The following CLIP4 variants were observed in gnomAD, a reference collection of about 807,000 sequenced individuals.
CLIP4 encodes the protein CAP-Gly domain-containing linker protein 4.
A neutral mutation model predicts 73.1 loss-of-function variants in CLIP4; 47 were observed. The ratio of observed to expected loss-of-function variants is 0.64; its 90% CI spans 0.51 to 0.82. CLIP4 has a LOEUF of 0.82. Ranked by LOEUF, CLIP4 falls within the 40% of genes least tolerant of loss-of-function variation. The pLI is 0.00. For synonymous variants in CLIP4, 306 were observed against 295.4 expected, an observed-to-expected ratio of 1.04 and a Z score of -0.37; for missense variants, 874 against 852.9, an observed-to-expected ratio of 1.02 and a Z score of -0.31.
intron 6 of CLIP4, among the ~76,000 whole-genome samples, chr2:29,136,538 A>C (rs1665375676): frequency 6.7e-6 from 1 of 149,328 alleles, no homozygotes. Context: ...TGTCTTGCAG[A>C]GGGGAGGTGG....
chr2:29,115,317 C>T (rs990087327), upstream of CLIP4: 1 of 152,032 alleles, frequency 6.6e-6, no homozygotes, highest in Non-Finnish European at 1.5e-5. This position sits in a 1 kb window ranked among gnomAD's most constrained non-coding sequence, Gnocchi z 5.1. Flanking sequence ...CGCTGTCAGC[C>T]GGGGTCGCGG....
intron 6 of CLIP4, among the ~76,000 whole-genome samples, chr2:29,138,754 G>T (rs1665552565): frequency 6.6e-6 from 1 of 151,956 alleles, no homozygotes; most frequent in South Asian, 2.1e-4. Context: ...TTATTATTTT[G>T]TGGCTGTTGT....
intron 6 of CLIP4, among the ~76,000 whole-genome samples, chr2:29,141,667 C>G (rs760298695): frequency 1.4e-4 from 21 of 152,126 alleles, no homozygotes; most frequent in Non-Finnish European, 2.5e-4. Flanking sequence ...CATGATAGAT[C>G]TCTCTCCAGC....
intron 1 of CLIP4, among the ~76,000 whole-genome samples, chr2:29,108,087 C>T (rs1331497711): frequency 6.6e-6 from 1 of 151,914 alleles, no homozygotes; most frequent in Non-Finnish European, 1.5e-5. Context: ...ACCTCTTTAT[C>T]CACAGGGGAT....
At chr2:29,142,030 G>A (rs1231784203) in intron 6 of CLIP4, among the ~76,000 whole-genome samples, 1 of 152,002 alleles carries the variant, frequency 6.6e-6, no homozygotes. Flanking sequence ...GTGAAGTTTT[G>A]TTCCTGTTGT....
chr2:29,122,920 A>C (rs1418795687), intron 2 of CLIP4, among the ~76,000 whole-genome samples: 1 of 150,978 alleles, frequency 6.6e-6, no homozygotes, highest in East Asian at 2.0e-4. Context: ...CTCCCTGTGT[A>C]GACATCATAT....
At chr2:29,098,126 C>G (rs1667929143) in intron 1 of CLIP4, among the ~76,000 whole-genome samples, 1 of 152,202 alleles carries the variant, frequency 6.6e-6, no homozygotes, top group Non-Finnish European at 1.5e-5. Flanking sequence ...GGAATGCAAC[C>G]TTTTGTACGT....
intron 15 of CLIP4, among the ~76,000 whole-genome samples, chr2:29,177,978 C>G (rs977068903): frequency 2.0e-5 from 3 of 152,036 alleles, no homozygotes; most frequent in Non-Finnish European, 4.4e-5. Flanking sequence ...TTACCCAACC[C>G]ATTAATTTTT....
At chr2:29,141,002 C>G (rs1665726484) in intron 6 of CLIP4, among the ~76,000 whole-genome samples, 1 of 152,126 alleles carries the variant, frequency 6.6e-6, no homozygotes, top group South Asian at 2.1e-4. Context: ...TTTGCTACAT[C>G]CCAGAGGTTT....
intron 1 of CLIP4, among the ~76,000 whole-genome samples, chr2:29,098,800 G>A (rs919739192): frequency 6.6e-6 from 1 of 152,216 alleles, no homozygotes; most frequent in Admixed American, 6.5e-5. Flanking sequence ...ATGTTCCACA[G>A]AGGACTTATA....
chr2:29,134,615 C>T (rs3099560), intron 5 of CLIP4, among the ~76,000 whole-genome samples: 24,681 of 151,712 alleles, frequency 0.16, 2,377 homozygotes, highest in Middle Eastern at 0.26. Flanking sequence ...GAGAGTTTGT[C>T]GAGTATTTCT....
intron 6 of CLIP4, among the ~76,000 whole-genome samples, chr2:29,143,052 T>G (rs1665883051): frequency 6.6e-6 from 1 of 152,222 alleles, no homozygotes; most frequent in Non-Finnish European, 1.5e-5. Flanking sequence ...GTTTCTAGTT[T>G]TGAAATCTGA....
intron 15 of CLIP4, among the ~76,000 whole-genome samples, chr2:29,177,450 A>C (rs1668410717): frequency 6.6e-6 from 1 of 150,896 alleles, no homozygotes; most frequent in Non-Finnish European, 1.5e-5. Flanking sequence ...GCATGGTGGC[A>C]GGCACCTGTA....
At chr2:29,101,520 C>T (rs1668049112) in intron 1 of CLIP4, among the ~76,000 whole-genome samples, 1 of 152,016 alleles carries the variant, frequency 6.6e-6, no homozygotes, top group African/African-American at 2.4e-5. Flanking sequence ...TGTTCTTCTG[C>T]CTGCTTTTAT....
At chr2:29,177,435 G>T (rs1049541764) in intron 15 of CLIP4, among the ~76,000 whole-genome samples, 4 of 150,732 alleles carry the variant, frequency 2.7e-5, no homozygotes, top group Non-Finnish European at 5.9e-5. Context: ...ACAAAAATTA[G>T]CTGGGCATGG....
In CLIP4 at chr2:29,167,359, C is replaced by A. The variant is rs1320043475; in HGVS notation, c.1659-117C>A. The A allele has an allele frequency of 5.4e-6, 3 of 553,240 alleles. No homozygotes were observed. The Admixed American group carries it at 1.0e-4, about 19-fold the overall frequency. The allele number at this position is 553,240 out of a possible 1,614,324, so 34.3% of individuals were successfully genotyped here. A position where few individuals can be genotyped will look rare whatever the true frequency, so the allele number is the denominator to read the frequency against. Reference sequence around the variant, plus strand: ...GTTCATTCCTGGCTTAAAATGGACCCTCCATAAATATTTGTCTGATGAATG... The same window carrying A: ...GTTCATTCCTGGCTTAAAATGGACCATCCATAAATATTTGTCTGATGAATG... On this transcript the variant is annotated intron_variant, in intron 13 of 15. Transcript: ENST00000320081.
At chr2:29,120,911 T>C (rs1311501496) in intron 1 of CLIP4, among the ~76,000 whole-genome samples, 1 of 152,164 alleles carries the variant, frequency 6.6e-6, no homozygotes, top group East Asian at 1.9e-4. Context: ...TAAAGTTTTC[T>C]GGGATAGAAA....
At chr2:29,163,752 T>C (rs1667432046) in intron 12 of CLIP4, 79 bp from the exon 13 acceptor site, 3 of 1,398,388 alleles carry the variant, frequency 2.1e-6, no homozygotes, top group Non-Finnish European at 2.9e-6. Context: ...TTAAAACACC[T>C]CGACTTTGGT....
intron 12 of CLIP4, among the ~76,000 whole-genome samples, chr2:29,160,954 G>T (rs1667249286): frequency 6.6e-6 from 1 of 151,938 alleles, no homozygotes; most frequent in East Asian, 1.9e-4. Flanking sequence ...ACGTAACATT[G>T]TTTCCAAAAG....
Sources: allele counts gnomAD v4.1 joint callset (sites outside exome capture counted in the v4.1 genomes callset), GRCh38; gene constraint gnomAD v4.1.1; non-coding constraint Gnocchi (gnomAD v3.1); transcripts MANE v1.5; gene names NCBI Gene and HGNC (gene_info 2026-07-23, HGNC 2026-07-21).